The following PTPRE variants were observed in gnomAD, a reference collection of about 807,000 sequenced individuals.
The protein encoded by PTPRE is protein tyrosine phosphatase receptor type E.
PTPRE carries 51 observed loss-of-function variants against 102.0 expected under a neutral mutation model. The ratio of observed to expected loss-of-function variants is 0.50; its 90% CI spans 0.40 to 0.63. The LOEUF (loss-of-function observed/expected upper bound fraction) is 0.63. Among genes scored for constraint, PTPRE ranks in the 30% least tolerant of loss-of-function variants. PTPRE has a pLI of 0.00. For synonymous variants in PTPRE, 345 were observed against 348.2 expected, an observed-to-expected ratio of 0.99 and a Z score of 0.10; for missense variants, 752 against 915.1, an observed-to-expected ratio of 0.82 and a Z score of 2.30.
intron 1 of PTPRE, among the ~76,000 whole-genome samples, chr10:127,960,249 T>A (rs965909558): frequency 6.6e-6 from 1 of 152,130 alleles, no homozygotes; most frequent in Non-Finnish European, 1.5e-5. Flanking sequence ...ACAGCAGACC[T>A]TTCTCCCTGC....
At chr10:128,025,157 T>G (rs1439392797) in intron 2 of PTPRE, among the ~76,000 whole-genome samples, 1 of 13,616 alleles carries the variant, frequency 7.3e-5, no homozygotes, top group African/African-American at 4.2e-4. Flanking sequence ...AGATCCTGTC[T>G]CAAAAAAAAA....
intron 2 of PTPRE, among the ~76,000 whole-genome samples, chr10:128,016,406 A>G (rs1384175391): frequency 1.3e-5 from 2 of 151,924 alleles, no homozygotes; most frequent in Admixed American, 1.3e-4. Flanking sequence ...ACCACCAGCC[A>G]TCCATGTGGT....
intron 2 of PTPRE, among the ~76,000 whole-genome samples, chr10:128,015,802 C>A (rs1845377294): frequency 6.6e-6 from 1 of 152,148 alleles, no homozygotes; most frequent in African/African-American, 2.4e-5. Context: ...CAGAGCAAGA[C>A]CCTGTCTCTA....
chr10:128,077,404 C>T (rs966862093), intron 18 of PTPRE, among the ~76,000 whole-genome samples: 1 of 152,216 alleles, frequency 6.6e-6, no homozygotes, highest in Non-Finnish European at 1.5e-5. Context: ...GGCTCGCTCC[C>T]CCTTGCAGAA....
intron 12 of PTPRE, chr10:128,068,520 T>A (rs1490339831): frequency 2.6e-6 from 1 of 386,250 alleles, no homozygotes; most frequent in African/African-American, 2.0e-5. Flanking sequence ...GAGGCTCCGG[T>A]TGATGGTGGG....
Position 128,076,699 on chromosome 10 carries a change from A to G in PTPRE, c.1696A>G (p.Ile566Val), listed in dbSNP as rs1054453385. The G allele has an allele frequency of 1.2e-6, 2 of 1,611,782 alleles. No individual in the cohort carries two copies. Among genetic ancestry groups the G allele is most frequent in the Non-Finnish European group, 1.7e-6 (2 of 1,179,492 alleles). Residue 566 changes from isoleucine (I) to valine (V), a missense_variant, in exon 18 of 21, where the codon ATA becomes GTA. This residue lies in a region of PTPRE where 636 missense variants were observed against 824.4 expected (regional missense o/e 0.77). Transcript: ENST00000254667. ...TGATACCCTTTCAGAAGCCATCAGTATACGAGACTTTCTGGTCACTCTCAA... is the reference window on the plus strand; with the variant it reads ...TGATACCCTTTCAGAAGCCATCAGTGTACGAGACTTTCTGGTCACTCTCAA... The part of the protein sequence containing the change: ...KNDTLSEAIS[I>V]RDFLVTLNQP...
At position 128,042,829 on chromosome 10, in the gene PTPRE, G is replaced by A. The variant is rs78927891; in HGVS notation, c.109+1839G>A. On this transcript the variant is annotated intron_variant, in intron 3 of 20. Transcript: ENST00000254667. ...ATGTTTACAAATTATGTAATAAAATGTTATCTATAAAAAATAATACGTAAA... is the reference window on the plus strand; with the variant it reads ...ATGTTTACAAATTATGTAATAAAATATTATCTATAAAAAATAATACGTAAA... 5.6e-3 allele frequency among the ~76,000 whole-genome samples: 849 copies of A among 152,272 alleles called. 60 individuals carry two copies. The East Asian group carries it at 0.14, about 25-fold the overall frequency.
At chr10:127,971,390 C>A (rs1850719108) in intron 1 of PTPRE, among the ~76,000 whole-genome samples, 3 of 152,186 alleles carry the variant, frequency 2.0e-5, no homozygotes, top group Non-Finnish European at 2.9e-5. Context: ...TCCATGTTCT[C>A]GATGCCTCTG....
chr10:128,067,174 GCA>G (rs1287995017), intron 11 of PTPRE, among the ~76,000 whole-genome samples: 2 of 127,780 alleles, frequency 1.6e-5, no homozygotes, highest in African/African-American at 3.0e-5. Context: ...ATGCACACAT[GCA>G]CACATTCACA....
chr10:127,911,808 T>G (rs888238914), intron 1 of PTPRE, among the ~76,000 whole-genome samples: 1 of 152,256 alleles, frequency 6.6e-6, no homozygotes, highest in South Asian at 2.1e-4. Context: ...TGCTGCCAAT[T>G]TTAGGTACTG....
chr10:128,010,552 TTTTC>T (rs1437069786), intron 2 of PTPRE, among the ~76,000 whole-genome samples: 4 of 137,864 alleles, frequency 2.9e-5, no homozygotes, highest in African/African-American at 1.3e-4. Flanking sequence ...GTTCCTTTTC[TTTTC>T]TTTTCTTTTC....
intron 1 of PTPRE, among the ~76,000 whole-genome samples, chr10:127,933,457 C>T (rs777846739): frequency 6.6e-6 from 1 of 152,174 alleles, no homozygotes; most frequent in Non-Finnish European, 1.5e-5. Flanking sequence ...ATAATTTTCT[C>T]TTTCCTGAAA....
chr10:127,990,282 C>T lies in PTPRE; in HGVS notation c.-8+7986C>T, dbSNP rs1042707544. 2.6e-5 allele frequency among the ~76,000 whole-genome samples: 4 copies of T among 151,692 alleles called. No individual in the cohort carries two copies. In the East Asian group the frequency reaches 7.8e-4, roughly 30 times the overall value. On this transcript the variant is annotated intron_variant, in intron 2 of 20. Coordinates refer to ENST00000254667, the MANE Select transcript of PTPRE (RefSeq NM_006504.6). ...CAAAAATTAGCCAGGCATGGTGGCA[C>T]GTGCCTGTAATCTCAGCTACTCAGG...
intron 11 of PTPRE, among the ~76,000 whole-genome samples, chr10:128,067,484 G>A (rs529942165): frequency 1.5e-4 from 23 of 149,530 alleles, no homozygotes; most frequent in East Asian, 4.1e-4. Context: ...TCACACGTGC[G>A]CACATACACA....
At chr10:127,999,209 C>A (rs1231827230) in intron 2 of PTPRE, 1 of 152,086 alleles carries the variant, frequency 6.6e-6, no homozygotes, top group African/African-American at 2.4e-5. Context: ...AAAGGTAAAT[C>A]TCATGTTAAA....
chr10:128,078,528 C>T (rs182762712), intron 19 of PTPRE, among the ~76,000 whole-genome samples: 13 of 152,302 alleles, frequency 8.5e-5, no homozygotes, highest in Admixed American at 5.2e-4. Flanking sequence ...CTAATGTGCT[C>T]CTGAAACTGC....
At chr10:128,047,721 G>A in intron 4 of PTPRE, 43 bp from the exon 5 acceptor site, 1 of 1,613,686 alleles carries the variant, frequency 6.2e-7, no homozygotes, top group Non-Finnish European at 8.5e-7. Flanking sequence ...GGCTCTCGGG[G>A]AACCTAGAAG....
At chr10:127,984,628 G>A (rs1277283426) in intron 2 of PTPRE, among the ~76,000 whole-genome samples, 4 of 152,126 alleles carry the variant, frequency 2.6e-5, no homozygotes, top group African/African-American at 4.8e-5. Context: ...TAATTCCCAC[G>A]TGTTGTGGGA....
chr10:127,973,796 G>A (rs183360671), intron 1 of PTPRE, among the ~76,000 whole-genome samples: 252 of 152,218 alleles, frequency 1.7e-3, no homozygotes, highest in African/African-American at 6.0e-3. Context: ...CACCTCTGTC[G>A]ATGGCAACGC....
Sources: allele counts gnomAD v4.1 joint callset (sites outside exome capture counted in the v4.1 genomes callset), GRCh38; gene constraint gnomAD v4.1.1; regional missense constraint gnomAD v4.1.1; transcripts MANE v1.5; gene names NCBI Gene and HGNC (gene_info 2026-07-23, HGNC 2026-07-21).